RIMS2: variants seen among roughly 807,000 people sequenced by gnomAD.
RIMS2 encodes regulating synaptic membrane exocytosis protein 2.
RIMS2 carries 59 observed loss-of-function variants against 174.4 expected under a neutral mutation model. That is an observed-to-expected ratio of 0.34 (90% CI 0.27 to 0.42). RIMS2 has a LOEUF of 0.42. Among genes scored for constraint, RIMS2 ranks in the 10% least tolerant of loss-of-function variants. RIMS2 has a pLI of 1.00. For missense variants in RIMS2, 1,620 were observed against 1,666.3 expected (o/e 0.97, Z 0.48); for synonymous variants, 606 against 572.5 (o/e 1.06, Z -0.84).
chr8:103,906,670 C>T (rs2074485891), intron 4 of RIMS2, among the ~76,000 whole-genome samples: 1 of 152,144 alleles, frequency 6.6e-6, no homozygotes, highest in Admixed American at 6.5e-5. Flanking sequence ...GTTGCAAGCA[C>T]AGAGGGAGAA....
At chr8:103,606,297 G>A (rs1318794249) in intron 1 of RIMS2, among the ~76,000 whole-genome samples, 4 of 150,640 alleles carry the variant, frequency 2.7e-5, no homozygotes, top group Non-Finnish European at 5.9e-5. Flanking sequence ...CAGTTTCCAT[G>A]TAGTTGAGCA....
chr8:103,664,173 A>G (rs1342156969), intron 1 of RIMS2, among the ~76,000 whole-genome samples: 6 of 152,212 alleles, frequency 3.9e-5, no homozygotes, highest in Non-Finnish European at 8.8e-5. Flanking sequence ...TACCATAAAA[A>G]CCCTAGAAGA....
chr8:103,940,644 G>A (rs774583080), intron 13 of RIMS2, among the ~76,000 whole-genome samples: 1 of 152,100 alleles, frequency 6.6e-6, no homozygotes, highest in African/African-American at 2.4e-5. Context: ...GGGAGGCCGA[G>A]GGGGGCAGAT....
intron 2 of RIMS2, among the ~76,000 whole-genome samples, chr8:103,744,444 T>TGTG (rs2097788784): frequency 6.6e-6 from 1 of 152,238 alleles, no homozygotes; most frequent in Non-Finnish European, 1.5e-5. Context: ...TTATATTATT[T>TGTG]TCATAAAATG....
intron 1 of RIMS2, among the ~76,000 whole-genome samples, chr8:103,663,916 G>A (rs1008641780): frequency 1.3e-5 from 2 of 152,158 alleles, no homozygotes; most frequent in African/African-American, 4.8e-5. Flanking sequence ...AAACAGCATG[G>A]TACTGGTACC....
intron 1 of RIMS2, among the ~76,000 whole-genome samples, chr8:103,623,782 C>A (rs1240933799): frequency 6.7e-6 from 1 of 148,400 alleles, no homozygotes; most frequent in African/African-American, 2.6e-5. Context: ...AGCCACCGCG[C>A]CCGGTCTCTT....
At chr8:103,622,153 T>A (rs1279159462) in intron 1 of RIMS2, among the ~76,000 whole-genome samples, 1 of 152,060 alleles carries the variant, frequency 6.6e-6, no homozygotes, top group Non-Finnish European at 1.5e-5. Context: ...AAAAGTAAAT[T>A]ATGAAGAAAG....
intron 16 of RIMS2, chr8:103,976,850 GT>G (rs1473854144): frequency 3.3e-5 from 5 of 152,130 alleles, no homozygotes; most frequent in African/African-American, 1.2e-4. Flanking sequence ...TTAAAAGCAT[GT>G]GCAGTGGGAA....
chr8:104,183,828 A>G (rs553611710), intron 19 of RIMS2, among the ~76,000 whole-genome samples: 101 of 151,760 alleles, frequency 6.7e-4, no homozygotes, highest in African/African-American at 2.3e-3. Flanking sequence ...TAATTTATGT[A>G]TCATCACCAT....
At chr8:103,847,961 T>C (rs947079794) in intron 3 of RIMS2, among the ~76,000 whole-genome samples, 1 of 151,894 alleles carries the variant, frequency 6.6e-6, no homozygotes, top group Non-Finnish European at 1.5e-5. Flanking sequence ...ATTTAATACC[T>C]CTTGTGTAGA....
intron 19 of RIMS2, among the ~76,000 whole-genome samples, chr8:104,046,555 T>C (rs2096699466): frequency 6.6e-6 from 1 of 152,082 alleles, no homozygotes; most frequent in African/African-American, 2.4e-5. Context: ...ATAGTAGTAA[T>C]TTAATATATG....
At chr8:104,122,405 A>G (rs1274840826) in intron 19 of RIMS2, among the ~76,000 whole-genome samples, 1 of 152,126 alleles carries the variant, frequency 6.6e-6, no homozygotes, top group Non-Finnish European at 1.5e-5. Context: ...TCAAACATAT[A>G]GGGCTGGAGG....
chr8:103,657,025 C>T (rs1166136892), intron 1 of RIMS2, among the ~76,000 whole-genome samples: 2 of 152,272 alleles, frequency 1.3e-5, no homozygotes, highest in Admixed American at 6.5e-5. Flanking sequence ...ACCATTTTGA[C>T]ATACTCCCAG....
At chr8:104,065,994 C>A (rs926689646) in intron 19 of RIMS2, among the ~76,000 whole-genome samples, 1 of 152,122 alleles carries the variant, frequency 6.6e-6, no homozygotes, top group Non-Finnish European at 1.5e-5. Flanking sequence ...AATTTTTAAA[C>A]CATTTCTAAA....
chr8:103,895,687 A>T (rs2099273636), intron 4 of RIMS2, among the ~76,000 whole-genome samples: 1 of 151,494 alleles, frequency 6.6e-6, no homozygotes, highest in African/African-American at 2.4e-5. Flanking sequence ...ATGTCTTATA[A>T]TTTTTGGTTG....
intron 19 of RIMS2, 98 bp from the exon 25 acceptor site, chr8:104,148,509 T>C: frequency 1.8e-6 from 2 of 1,114,152 alleles, no homozygotes; most frequent in Non-Finnish European, 2.5e-6. Flanking sequence ...CCATAGATGA[T>C]ATAATTTAAT....
intron 2 of RIMS2, among the ~76,000 whole-genome samples, chr8:103,730,745 A>G (rs976927657): frequency 1.3e-5 from 2 of 152,200 alleles, no homozygotes; most frequent in Non-Finnish European, 2.9e-5. Context: ...GAAGAACTCT[A>G]GTATTTTCTG....
At chr8:103,506,888 A>G (rs991504692) in intron 1 of RIMS2, among the ~76,000 whole-genome samples, 1 of 152,174 alleles carries the variant, frequency 6.6e-6, no homozygotes, top group Non-Finnish European at 1.5e-5. Context: ...TGAAAATAGC[A>G]CTGACATCAA....
chr8:103,950,323 G>T (rs1275261083), intron 14 of RIMS2, among the ~76,000 whole-genome samples: 2 of 151,924 alleles, frequency 1.3e-5, no homozygotes, highest in Non-Finnish European at 2.9e-5. Flanking sequence ...AAAGAAATCT[G>T]CAGACCAATA....
Sources: allele counts gnomAD v4.1 joint callset (sites outside exome capture counted in the v4.1 genomes callset), GRCh38; gene constraint gnomAD v4.1.1; transcripts MANE v1.5; gene names NCBI Gene and HGNC (gene_info 2026-07-23, HGNC 2026-07-21).